CAST: variants seen among roughly 807,000 people sequenced by gnomAD.
CAST encodes MIR583 host.
CAST carries 76 observed loss-of-function variants against 119.6 expected under a neutral mutation model. The ratio of observed to expected loss-of-function variants is 0.64; its 90% CI spans 0.53 to 0.77. The LOEUF (loss-of-function observed/expected upper bound fraction) is 0.77. CAST is among the 30% of genes least tolerant of loss of function. The pLI is 0.00. For missense variants in CAST, 953 were observed against 946.5 expected, an observed-to-expected ratio of 1.01 and a Z score of -0.09; for synonymous variants, 319 against 331.6, an observed-to-expected ratio of 0.96 and a Z score of 0.41.
the CAST span, among the ~76,000 whole-genome samples, chr5:96,129,933 T>C: frequency 6.6e-6 from 1 of 151,966 alleles, no homozygotes; most frequent in African/African-American, 2.4e-5. Flanking sequence ...TTATAACTAA[T>C]TGTACTTTGT....
chr5:96,159,774 A>C, the CAST span, among the ~76,000 whole-genome samples: 480 of 151,876 alleles, frequency 3.2e-3, 1 homozygote, highest in Non-Finnish European at 3.8e-3. Flanking sequence ...TTGCTTTTTG[A>C]ATGGAGAAGC....
At chr5:96,525,567 G>T (rs186174725), upstream of CAST, 1 of 152,034 alleles carries the variant, frequency 6.6e-6, no homozygotes, top group Non-Finnish European at 1.5e-5. Flanking sequence ...TTCGAATCAG[G>T]CTTGATTATT....
intron 1 of CAST, among the ~76,000 whole-genome samples, chr5:96,609,600 A>G (rs187918443): frequency 6.9e-4 from 105 of 152,322 alleles, no homozygotes; most frequent in African/African-American, 2.5e-3. Context: ...CCCAGTAAAC[A>G]TCAGCTGTTG....
the CAST span, among the ~76,000 whole-genome samples, chr5:96,312,416 T>C: frequency 1.8e-4 from 27 of 152,116 alleles, 1 homozygote; most frequent in African/African-American, 6.3e-4. Flanking sequence ...CCTTCCCCTT[T>C]GACAAACATT....
At chr5:96,314,023 A>G in the CAST span, among the ~76,000 whole-genome samples, 2 of 152,220 alleles carry the variant, frequency 1.3e-5, no homozygotes, top group African/African-American at 4.8e-5. Flanking sequence ...ACAAGTATGC[A>G]GTACCCAAAT....
the CAST span, among the ~76,000 whole-genome samples, chr5:96,087,908 T>C: frequency 6.6e-6 from 1 of 152,240 alleles, no homozygotes; most frequent in Non-Finnish European, 1.5e-5. Flanking sequence ...CTTTCAGCCC[T>C]GTAATTTTTA....
chr5:96,262,446 A>G, the CAST span, among the ~76,000 whole-genome samples: 3 of 152,200 alleles, frequency 2.0e-5, no homozygotes, highest in Non-Finnish European at 4.4e-5. Flanking sequence ...CCCTTAATAG[A>G]GCCAGCAGAA....
chr5:96,508,246 A>G, the CAST span, among the ~76,000 whole-genome samples: 25 of 152,208 alleles, frequency 1.6e-4, no homozygotes, highest in African/African-American at 5.8e-4. Flanking sequence ...AGCCAGGCCC[A>G]AATTCTAATC....
chr5:96,615,332 T>C (rs1747432087), intron 1 of CAST, among the ~76,000 whole-genome samples: 1 of 152,232 alleles, frequency 6.6e-6, no homozygotes. Flanking sequence ...CTGTACAGGA[T>C]GGCATTTGGC....
chr5:96,075,206 T>G, the CAST span, among the ~76,000 whole-genome samples: 1 of 152,210 alleles, frequency 6.6e-6, no homozygotes, highest in Non-Finnish European at 1.5e-5. Context: ...ATATGTCTCT[T>G]AGTTCTCAGA....
intron 1 of CAST, among the ~76,000 whole-genome samples, chr5:96,597,057 G>C (rs1341098934): frequency 6.6e-6 from 1 of 152,132 alleles, no homozygotes; most frequent in Non-Finnish European, 1.5e-5. Context: ...GGGCATTAGG[G>C]CTTTAACATG....
rs964779101 is a variant in CAST, at chr5:96,730,990, A to C, written c.630+130A>C. 5.8e-6 allele frequency: 4 copies of C among 684,682 alleles called. No homozygotes were observed. The African/African-American group carries it at 7.1e-5, about 12-fold the overall frequency. 42.4% of individuals were successfully genotyped at this position (684,682 alleles called of 1,614,324 possible). A position where few individuals can be genotyped will look rare whatever the true frequency, so the allele number is the denominator to read the frequency against. The stretch of plus-strand genomic sequence containing the variant: ...TGCTTATATGTAAAATTTTGTGAAG[A>C]GCATGCATTTAAGGGATAGAGAGTG... On this transcript the variant is annotated intron_variant, in intron 9 of 31. Transcript: ENST00000675179.
the CAST span, among the ~76,000 whole-genome samples, chr5:96,127,776 C>A: frequency 1.3e-5 from 2 of 152,068 alleles, no homozygotes; most frequent in African/African-American, 4.8e-5. Flanking sequence ...GTGCAACTTA[C>A]AATAGTGCAT....
the CAST span, chr5:96,412,298 G>T: frequency 6.2e-7 from 1 of 1,605,744 alleles, no homozygotes; most frequent in South Asian, 1.1e-5. Context: ...TTTCATGTGG[G>T]TCTGTGTAAA....
At chr5:96,332,447 GATAA>G in the CAST span, among the ~76,000 whole-genome samples, 114 of 151,296 alleles carry the variant, frequency 7.5e-4, no homozygotes, top group Non-Finnish European at 1.3e-3. Flanking sequence ...ATTTTTAAAT[GATAA>G]ATAAAATTAA....
the CAST span, among the ~76,000 whole-genome samples, chr5:96,508,027 A>G: frequency 7.8e-6 from 1 of 128,940 alleles, no homozygotes; most frequent in East Asian, 2.1e-4. Flanking sequence ...TATTATTATT[A>G]TTATTTTATG....
chr5:96,599,213 C>T (rs868197237), intron 1 of CAST, among the ~76,000 whole-genome samples: 24 of 152,108 alleles, frequency 1.6e-4, no homozygotes, highest in Admixed American at 3.9e-4. Flanking sequence ...GTGTAAAAAA[C>T]ACAATTTGAC....
the CAST span, among the ~76,000 whole-genome samples, chr5:96,038,308 G>A: frequency 7.9e-5 from 12 of 152,180 alleles, no homozygotes; most frequent in South Asian, 2.3e-3. Context: ...ATCCCTTGAA[G>A]AATTTAAATG....
At chr5:96,637,416 A>G (rs1747900772) in intron 1 of CAST, among the ~76,000 whole-genome samples, 1 of 152,228 alleles carries the variant, frequency 6.6e-6, no homozygotes, top group Non-Finnish European at 1.5e-5. Context: ...GCTTTCCAAC[A>G]TTCCAGTGTT....
Sources: gnomAD v4.1 joint callset for allele counts (sites outside exome capture counted in the v4.1 genomes callset) on GRCh38, gnomAD v4.1.1 for gene constraint, MANE v1.5 for transcripts, NCBI Gene and HGNC (gene_info 2026-07-23, HGNC 2026-07-21) for gene names.